CFAP57: variants seen among roughly 807,000 people sequenced by gnomAD.
CFAP57 encodes cilia- and flagella-associated protein 57.
A neutral mutation model predicts 146.8 loss-of-function variants in CFAP57; 116 were observed. The ratio of observed to expected loss-of-function variants is 0.79; its 90% CI spans 0.68 to 0.92. CFAP57 has a LOEUF of 0.92. Among genes scored for constraint, CFAP57 ranks in the 40% least tolerant of loss-of-function variants. The probability of loss-of-function intolerance (pLI) is 0.00; values close to 1 mark genes in which losing one functional copy is unlikely to be tolerated. For synonymous variants in CFAP57, 518 were observed against 552.8 expected (o/e 0.94, Z 0.88); for missense variants, 1,377 against 1,527.2 (o/e 0.90, Z 1.64).
At chr1:43,177,594 T>C (rs1049707970) in intron 2 of CFAP57, among the ~76,000 whole-genome samples, 48 of 152,078 alleles carry the variant, frequency 3.2e-4, no homozygotes, top group African/African-American at 1.1e-3. Context: ...CCTAGGGCAG[T>C]GGTCCCCAAC....
intron 12 of CFAP57, among the ~76,000 whole-genome samples, chr1:43,219,115 A>G (rs920201558): frequency 4.6e-5 from 7 of 152,218 alleles, no homozygotes; most frequent in Admixed American, 3.9e-4. Context: ...AGCCTCGTCA[A>G]GCAGGAGATG....
chr1:43,182,585 T>C (rs1005413067), intron 3 of CFAP57, among the ~76,000 whole-genome samples: 6 of 152,246 alleles, frequency 3.9e-5, no homozygotes, highest in African/African-American at 1.4e-4. Context: ...ATCCAGTGTA[T>C]TCCCTTCCTA....
Position 43,215,324 on chromosome 1 carries a change from G to T in CFAP57, c.1999G>T (p.Val667Phe), listed in dbSNP as rs1334134347. ...AEDGCLFTWKVFDKDGRGIKR... is the reference protein window; with the variant it reads ...AEDGCLFTWKFFDKDGRGIKR... ...GGATGGCTGCCTGTTCACCTGGAAG[G>T]TCTTTGATAAGGATGGCCGGGGAAT... Residue 667 changes from valine to phenylalanine, a missense_variant, in exon 12 of 23, where the codon GTC (valine) becomes TTC (phenylalanine). By Grantham distance (50) the Val-to-Phe change is conservative. Transcript: ENST00000372492. 7 of 1,551,336 alleles carry T rather than the reference G, an allele frequency of 4.5e-6. No individual in the cohort carries two copies. The highest frequency in any genetic ancestry group is 6.1e-6 in the Non-Finnish European group (7 of 1,147,136).
At chr1:43,173,283 T>C (rs1645047735) in intron 2 of CFAP57, among the ~76,000 whole-genome samples, 1 of 152,170 alleles carries the variant, frequency 6.6e-6, no homozygotes, top group Non-Finnish European at 1.5e-5. Context: ...TGAATCCAAG[T>C]ATGATGAAGA....
At chr1:43,225,616 G>A (rs116303579) in intron 17 of CFAP57, among the ~76,000 whole-genome samples, 5,378 of 152,090 alleles carry the variant, frequency 0.035, 324 homozygotes, top group African/African-American at 0.12. Context: ...ATGAACCACC[G>A]CTTGGCTCTC....
chr1:43,195,261 C>A (rs1452509367), intron 6 of CFAP57, among the ~76,000 whole-genome samples: 2 of 152,164 alleles, frequency 1.3e-5, no homozygotes, highest in African/African-American at 4.8e-5. Flanking sequence ...TGATGGCTCA[C>A]ACCTATAATC....
At chr1:43,213,121 T>C (rs1286608213) in intron 11 of CFAP57, among the ~76,000 whole-genome samples, 4 of 152,186 alleles carry the variant, frequency 2.6e-5, no homozygotes, top group African/African-American at 9.6e-5. Context: ...AGAGTCTCAC[T>C]CTGTCGCCCA....
chr1:43,213,003 T>C (rs978903300), intron 11 of CFAP57, among the ~76,000 whole-genome samples: 3 of 151,948 alleles, frequency 2.0e-5, no homozygotes, highest in Non-Finnish European at 4.4e-5. Context: ...TTTGTATCTG[T>C]TAGCCAATCT....
intron 21 of CFAP57, among the ~76,000 whole-genome samples, chr1:43,236,771 G>A (rs1465149159): frequency 2.0e-5 from 3 of 151,812 alleles, no homozygotes; most frequent in Non-Finnish European, 4.4e-5. Flanking sequence ...TTAGCCGGGC[G>A]TGTGGTGGGC....
chr1:43,219,633 T>A, intron 13 of CFAP57, 96 bp downstream of exon 13: 1 of 1,400,696 alleles, frequency 7.1e-7, no homozygotes, highest in Non-Finnish European at 9.8e-7. Flanking sequence ...GCTCAAACAG[T>A]AAGATATGTG....
chr1:43,217,817 GC>G (rs1486045533), intron 12 of CFAP57, among the ~76,000 whole-genome samples: 1 of 150,892 alleles, frequency 6.6e-6, no homozygotes, highest in Non-Finnish European at 1.5e-5. Context: ...ACCAAAGTCA[GC>G]CTGATCGGGT....
chr1:43,253,435 C>T (rs1232466769), intron 22 of CFAP57, among the ~76,000 whole-genome samples: 1 of 152,146 alleles, frequency 6.6e-6, no homozygotes, highest in Non-Finnish European at 1.5e-5. Context: ...CCTTGCGGGG[C>T]AGGGGTGAGC....
At position 43,189,294 on chromosome 1, in the gene CFAP57, C is replaced by T. The variant is rs868136149; in HGVS notation, c.1122+2435C>T. Among the ~76,000 whole-genome samples, 15 of 152,288 alleles carry T rather than the reference C, an allele frequency of 9.8e-5. No homozygotes were observed. The Middle Eastern group carries it at 0.024, about 242-fold the overall frequency. ...TTTCTACAAGAAGCCATCTGGGATCCTCACCGGGATTGCATTGAATTTATA... is the reference window on the plus strand; with the variant it reads ...TTTCTACAAGAAGCCATCTGGGATCTTCACCGGGATTGCATTGAATTTATA... On this transcript the variant is annotated intron_variant, in intron 6 of 22. Coordinates refer to ENST00000372492, the MANE Select transcript of CFAP57 (RefSeq NM_001378189.1).
chr1:43,253,571 G>C (rs1230281834), intron 22 of CFAP57, among the ~76,000 whole-genome samples: 1 of 152,118 alleles, frequency 6.6e-6, no homozygotes, highest in African/African-American at 2.4e-5. Flanking sequence ...AGGCACGAAG[G>C]GGTCTGTCTC....
At chr1:43,218,600 C>G (rs1476039159) in intron 12 of CFAP57, among the ~76,000 whole-genome samples, 1 of 84,218 alleles carries the variant, frequency 1.2e-5, no homozygotes, top group African/African-American at 4.1e-5. Flanking sequence ...AGAGTGAAAC[C>G]ATGTCTCAAA....
intron 22 of CFAP57, among the ~76,000 whole-genome samples, chr1:43,251,322 G>A (rs572109327): frequency 8.5e-5 from 13 of 152,280 alleles, no homozygotes; most frequent in African/African-American, 2.9e-4. Flanking sequence ...TGACTAAAAC[G>A]GGGAGGGTTT....
Position 43,219,369 on chromosome 1 carries a change from C to T in CFAP57, c.2092-13C>T. The T allele has an allele frequency of 6.5e-7, 1 of 1,546,892 alleles. No homozygotes were observed. The highest frequency in any genetic ancestry group is 8.7e-7 in the Non-Finnish European group (1 of 1,144,718). ...CTGTCAGTGTTCTTGATCCTTCTGT[C>T]CTTCTCCCAAAGGCTCAGGTTATGT... On this transcript the variant is annotated splice_polypyrimidine_tract_variant and intron_variant, in intron 12 of 22. Transcript: ENST00000372492.
intron 16 of CFAP57, among the ~76,000 whole-genome samples, chr1:43,223,698 C>T (rs1460658919): frequency 6.6e-6 from 1 of 152,186 alleles, no homozygotes; most frequent in Non-Finnish European, 1.5e-5. Flanking sequence ...GACCTTGATG[C>T]AGTGTGGATC....
chr1:43,236,675 C>T (rs1372975268), intron 21 of CFAP57, among the ~76,000 whole-genome samples: 5 of 149,266 alleles, frequency 3.3e-5, no homozygotes, highest in African/African-American at 4.9e-5. Context: ...TTTGGGAGGC[C>T]GAGGCGGGTG....
Sources: allele counts gnomAD v4.1 joint callset (sites outside exome capture counted in the v4.1 genomes callset), GRCh38; gene constraint gnomAD v4.1.1; transcripts MANE v1.5; gene names NCBI Gene and HGNC (gene_info 2026-07-23, HGNC 2026-07-21).